KDM5A: variants seen among roughly 807,000 people sequenced by gnomAD.
The protein encoded by KDM5A is lysine demethylase 5A.
KDM5A carries 42 observed loss-of-function variants against 193.5 expected under a neutral mutation model. That is an observed-to-expected ratio of 0.22 (90% CI 0.17 to 0.28). The LOEUF is 0.28. Among genes scored for constraint, KDM5A ranks in the 10% least tolerant of loss-of-function variants. KDM5A has a pLI of 1.00. For synonymous variants in KDM5A, 796 were observed against 718.1 expected, an observed-to-expected ratio of 1.11 and a Z score of -1.73; for missense variants, 1,692 against 2,055.1, an observed-to-expected ratio of 0.82 and a Z score of 3.42.
chr12:330,113 T>G (rs1038870357), intron 13 of KDM5A, among the ~76,000 whole-genome samples: 2 of 130,234 alleles, frequency 1.5e-5, no homozygotes, highest in African/African-American at 5.8e-5. Context: ...TGATTAGCAA[T>G]TATTTTGTCT....
intron 18 of KDM5A, among the ~76,000 whole-genome samples, chr12:319,530 C>T (rs778841558): frequency 1.2e-4 from 18 of 152,096 alleles, no homozygotes; most frequent in Non-Finnish European, 2.2e-4. Flanking sequence ...GCAAGTGGAT[C>T]GCTTGAGCTC....
At chr12:333,334 G>C in intron 12 of KDM5A, 153 bp downstream of exon 12, 1 of 782,182 alleles carries the variant, frequency 1.3e-6, no homozygotes, top group Non-Finnish European at 2.2e-6. Flanking sequence ...CAGGAGAACT[G>C]CTTGAGCTGA....
At position 318,198 on chromosome 12, in the gene KDM5A, G is replaced by A; in HGVS notation, c.2805C>T (p.His935=). The A allele has an allele frequency of 6.2e-7, 1 of 1,614,156 alleles. No individual in the cohort carries two copies. Among genetic ancestry groups the A allele is most frequent in the Non-Finnish European group, 8.5e-7 (1 of 1,180,022 alleles). The change falls in exon 19 of 28, where the codon CAC becomes CAT. Residue 935 remains histidine, a synonymous_variant. Transcript: ENST00000399788. ...LIDSGVGLAP[H]HAVEKAMAEL... ...CAGCCATTGCTTTCTCCACAGCATGGTGGGGTGCCAACCCTACCCCAGAGT... is the reference window on the plus strand; with the variant it reads ...CAGCCATTGCTTTCTCCACAGCATGATGGGGTGCCAACCCTACCCCAGAGT...
rs764460582 is a variant in KDM5A, at chr12:307,122, A to T, written c.3931-33T>A. ...ACAAATAATTCCAAGATGAACAGCA[A>T]GACATGCTAAACAGACAGGGTAATT... On this transcript the variant is annotated intron_variant, in intron 23 of 27. Transcript: ENST00000399788. This position sits in a 1 kb window ranked among gnomAD's most constrained non-coding sequence, Gnocchi z 4.3. The T allele has an allele frequency of 1.9e-6, 3 of 1,613,670 alleles. No homozygotes were observed. Among genetic ancestry groups the T allele is most frequent in the Non-Finnish European group, 2.5e-6 (3 of 1,179,644 alleles).
chr12:348,474 C>T (rs936698421), intron 10 of KDM5A, among the ~76,000 whole-genome samples: 18 of 152,180 alleles, frequency 1.2e-4, no homozygotes, highest in African/African-American at 3.1e-4. Flanking sequence ...ATGTTTATTG[C>T]GGCAGTATTC....
Position 305,263 on chromosome 12 carries a change from T to C in KDM5A, c.4074+1683A>G, listed in dbSNP as rs890214622. Among the ~76,000 whole-genome samples, 56 of 152,210 alleles carry C rather than the reference T, an allele frequency of 3.7e-4. 2 individuals carry two copies. Among genetic ancestry groups the C allele is most frequent in the Admixed American group, 3.3e-3 (50 of 15,294 alleles). ...AAAACTGAAAAATAATAATCTACCATATAATAAGATATTTTAATATAAAAA... is the reference window on the plus strand; with the variant it reads ...AAAACTGAAAAATAATAATCTACCACATAATAAGATATTTTAATATAAAAA... On this transcript the variant is annotated intron_variant, in intron 24 of 27. Coordinates refer to ENST00000399788, the MANE Select transcript of KDM5A (RefSeq NM_001042603.3).
At chr12:323,853 AT>A (rs1486979847) in intron 14 of KDM5A, 72 bp from the exon 15 acceptor site, 1 of 1,193,778 alleles carries the variant, frequency 8.4e-7, no homozygotes, top group Non-Finnish European at 1.3e-6. Context: ...AAGTTACTAC[AT>A]TTTTTTCTAT....
chr12:289,907 C>CTTT (rs750918968), intron 27 of KDM5A, among the ~76,000 whole-genome samples: 38 of 99,634 alleles, frequency 3.8e-4, no homozygotes, highest in East Asian at 1.8e-3. Flanking sequence ...TTCTTTCTTT[C>CTTT]TTTTTTTTTT....
chr12:367,881 G>A (rs993898045), intron 3 of KDM5A, among the ~76,000 whole-genome samples: 11 of 151,046 alleles, frequency 7.3e-5, no homozygotes, highest in African/African-American at 1.2e-4. Flanking sequence ...AAAAAAAAAA[G>A]TTAAAAGTTA....
chr12:324,942 A>G (rs1011196357), intron 14 of KDM5A, among the ~76,000 whole-genome samples: 4 of 152,172 alleles, frequency 2.6e-5, no homozygotes, highest in Admixed American at 6.5e-5. Context: ...CATTTATTAT[A>G]TAACTTTACA....
At chr12:326,863 T>TA (rs1943793650) in intron 14 of KDM5A, among the ~76,000 whole-genome samples, 1 of 27,138 alleles carries the variant, frequency 3.7e-5, no homozygotes. Context: ...AGACTCTGTC[T>TA]CAAAAAAAAA....
chr12:293,726 C>T (rs1223441570), intron 26 of KDM5A, among the ~76,000 whole-genome samples: 1 of 144,434 alleles, frequency 6.9e-6, no homozygotes, highest in African/African-American at 2.6e-5. Flanking sequence ...TTGCAGTGAG[C>T]CGCAATCAAT....
chr12:341,371 T>A (rs1944002362), intron 10 of KDM5A, among the ~76,000 whole-genome samples: 1 of 152,210 alleles, frequency 6.6e-6, no homozygotes, highest in Non-Finnish European at 1.5e-5. Context: ...AGGTTCTCCA[T>A]CCTGTTATAA....
intron 9 of KDM5A, among the ~76,000 whole-genome samples, chr12:351,099 C>G (rs1455442581): frequency 2.0e-5 from 3 of 152,088 alleles, no homozygotes; most frequent in Non-Finnish European, 4.4e-5. Context: ...TTTTTAATAG[C>G]TTCTATTTTA....
chr12:310,350 G>A (rs145623532), intron 21 of KDM5A, among the ~76,000 whole-genome samples: 5 of 152,278 alleles, frequency 3.3e-5, no homozygotes, highest in Non-Finnish European at 5.9e-5. Flanking sequence ...TCAATGATAG[G>A]CTGGACGTGG....
At chr12:358,997 A>T (rs964199721) in intron 5 of KDM5A, among the ~76,000 whole-genome samples, 126 of 26,320 alleles carry the variant, frequency 4.8e-3, no homozygotes, top group Middle Eastern at 0.036. Context: ...AATAAAAAAT[A>T]AAAAAAAACA....
intron 5 of KDM5A, among the ~76,000 whole-genome samples, chr12:357,069 C>A (rs1176539370): frequency 2.0e-5 from 3 of 152,154 alleles, no homozygotes; most frequent in African/African-American, 7.2e-5. Flanking sequence ...CATTTGAGCT[C>A]AGGAGTTACA....
At chr12:330,087 A>G (rs552665747) in intron 13 of KDM5A, among the ~76,000 whole-genome samples, 1,170 of 87,224 alleles carry the variant, frequency 0.013, 16 homozygotes, top group African/African-American at 0.043. Flanking sequence ...GTGTGTGTGT[A>G]TATATATATA....
rs1385619647 is a variant in KDM5A, at chr12:356,483, C to A, written c.727G>T (p.Gly243Trp). The change falls in exon 6 of 28, where the codon GGG becomes TGG. Residue 243 changes from glycine (G) to tryptophan (W), a missense_variant. This residue lies in a region of KDM5A where 134 missense variants were observed against 124.2 expected (regional missense o/e 1.08). Transcript: ENST00000399788. ...NTELKKLQIF[G>W]AGPKVVGLAM... is the part of the protein sequence containing the mutation. ...AAGCCCACAACCTTGGGCCCAGCCCCAAAAATCTGAAGTTTCTTCAGTTCC... is the reference window on the plus strand; with the variant it reads ...AAGCCCACAACCTTGGGCCCAGCCCAAAAAATCTGAAGTTTCTTCAGTTCC... 6.2e-7 allele frequency: 1 copy of A among 1,613,856 alleles called. No individual in the cohort carries two copies.
Sources: gnomAD v4.1 joint callset for allele counts (sites outside exome capture counted in the v4.1 genomes callset) on GRCh38, gnomAD v4.1.1 for gene constraint, gnomAD v4.1.1 regional missense constraint, Gnocchi (gnomAD v3.1) non-coding constraint, MANE v1.5 for transcripts, NCBI Gene and HGNC (gene_info 2026-07-23, HGNC 2026-07-21) for gene names.